The following INPP5K variants were observed in gnomAD, a reference collection of about 807,000 sequenced individuals.
INPP5K encodes the protein inositol polyphosphate 5-phosphatase K.
Under a neutral mutation model 53.5 loss-of-function variants are expected in INPP5K, and 35 were observed. That is an observed-to-expected ratio of 0.65 (90% CI 0.50 to 0.87). The LOEUF (loss-of-function observed/expected upper bound fraction) is 0.87, where lower values mean the gene tolerates loss of function less well. Among genes scored for constraint, INPP5K ranks in the 40% least tolerant of loss-of-function variants. INPP5K has a pLI of 0.00. For missense variants in INPP5K, 550 were observed against 586.2 expected (o/e 0.94, Z 0.64); for synonymous variants, 253 against 232.8 (o/e 1.09, Z -0.79).
chr17:1,509,409 C>G (rs1413988904), intron 4 of INPP5K, 56 bp from the exon 5 acceptor site: 9 of 1,517,400 alleles, frequency 5.9e-6, no homozygotes, highest in Non-Finnish European at 9.1e-7. Flanking sequence ...ACACACCCCT[C>G]TTTCCACATC....
In INPP5K at chr17:1,509,673, C is replaced by A; in HGVS notation, c.378+10G>T. The A allele has an allele frequency of 6.0e-6, 9 of 1,507,480 alleles. No homozygotes were observed. Among genetic ancestry groups the A allele is most frequent in the Non-Finnish European group, 8.3e-6 (9 of 1,082,854 alleles). 93.4% of individuals were successfully genotyped at this position (1,507,480 alleles called of 1,614,324 possible). Reference sequence around the variant, plus strand: ...CCAGCTCACGACTCAGACAATAGCTCAGTCCTTACCCAGTACCCAAACAGG... The same window carrying A: ...CCAGCTCACGACTCAGACAATAGCTAAGTCCTTACCCAGTACCCAAACAGG... On this transcript the variant is annotated intron_variant, in intron 4 of 11. Transcript: ENST00000421807.
chr17:1,495,823 T>A lies in INPP5K; in HGVS notation c.1347A>T (p.Ter449CysextTer46). 6.2e-7 allele frequency: 1 copy of A among 1,611,982 alleles called. No homozygotes were observed. Among genetic ancestry groups the A allele is most frequent in the Non-Finnish European group, 8.5e-7 (1 of 1,178,326 alleles). The change falls in exon 12 of 12, where the codon TGA (stop) becomes TGT (cysteine). Residue 449 changes from the stop codon to cysteine (C), a stop_lost. Transcript: ENST00000421807. ...DPLGEAQPQI[*>C] ...GCCTGGGATTCACTCCCATCCTGGC[T>A]CAGATCTGTGGCTGTGCTTCACCCA...
intron 7 of INPP5K, among the ~76,000 whole-genome samples, chr17:1,502,306 G>A (rs563875921): frequency 2.0e-5 from 3 of 152,102 alleles, no homozygotes; most frequent in Admixed American, 1.3e-4. Flanking sequence ...TGGAGATCGC[G>A]CCACTGCACT....
intron 7 of INPP5K, among the ~76,000 whole-genome samples, chr17:1,503,359 T>A (rs567629869): frequency 1.5e-3 from 224 of 152,042 alleles, no homozygotes; most frequent in African/African-American, 5.2e-3. Context: ...AATTTTTTTT[T>A]ATTTTTAGTA....
rs116410175 is a variant in INPP5K at position 1,497,920 on chromosome 17, C to T, written c.963+16G>A. The T allele has an allele frequency of 6.6e-4, 1,055 of 1,604,864 alleles. 5 individuals carry two copies. In the African/African-American group the frequency reaches 0.013, roughly 20 times the overall value. ...AGCTATTCCTCTGGCAAGTATCAGG[C>T]AGCCCAGAAGTTCACCTCCAAGTCG... On this transcript the variant is annotated intron_variant, in intron 8 of 11. Coordinates refer to ENST00000421807, the MANE Select transcript of INPP5K (RefSeq NM_016532.4).
intron 7 of INPP5K, among the ~76,000 whole-genome samples, chr17:1,500,958 C>CT (rs546504445): frequency 0.025 from 3,356 of 135,268 alleles, 67 homozygotes; most frequent in Non-Finnish European, 0.035. Flanking sequence ...TATTCAACTG[C>CT]TTTTTTTTTT....
At chr17:1,500,901 C>A (rs1374492111) in intron 7 of INPP5K, among the ~76,000 whole-genome samples, 2 of 151,416 alleles carry the variant, frequency 1.3e-5, no homozygotes, top group African/African-American at 4.8e-5. Context: ...TTAATGTTTA[C>A]AGCTCCATAT....
intron 7 of INPP5K, among the ~76,000 whole-genome samples, chr17:1,505,074 G>C (rs1567555793): frequency 6.6e-6 from 1 of 152,242 alleles, no homozygotes; most frequent in Admixed American, 6.5e-5. Context: ...CATAGGGCTG[G>C]GAGAAGGGGA....
intron 3 of INPP5K, among the ~76,000 whole-genome samples, chr17:1,512,751 C>T (rs2075338083): frequency 6.6e-6 from 1 of 152,128 alleles, no homozygotes; most frequent in Non-Finnish European, 1.5e-5. Flanking sequence ...GCCCAAAGTA[C>T]CCACCACACC....
chr17:1,496,341 G>A lies in INPP5K; in HGVS notation c.1163C>T (p.Ser388Phe), dbSNP rs1189525614. 1 of 1,563,134 alleles carries A rather than the reference G, an allele frequency of 6.4e-7. No homozygotes were observed. The highest frequency in any genetic ancestry group is 2.4e-5 in the East Asian group (1 of 42,200). ...SYAWVGDSKV[S>F]CSDNLNQVYI... ...TACCTGGTTCAGGTTGTCGCTGCAG[G>A]AGACCTTGCTGTCCCCGACCCAGGC... Residue 388 changes from serine to phenylalanine, a missense_variant, in exon 10 of 12, where the codon TCC becomes TTC. Ser to Phe is a radical substitution (Grantham distance 155). Transcript: ENST00000421807.
chr17:1,516,188 TCAAA>T (rs908278495), intron 1 of INPP5K: 42 of 1,054,600 alleles, frequency 4.0e-5, no homozygotes, highest in Non-Finnish European at 4.7e-5. Context: ...GTCTTTAACC[TCAAA>T]CAACCCCACA....
At chr17:1,510,700 C>T (rs1235594138) in intron 3 of INPP5K, among the ~76,000 whole-genome samples, 1 of 152,182 alleles carries the variant, frequency 6.6e-6, no homozygotes, top group Admixed American at 6.6e-5. Flanking sequence ...AATCACGGCT[C>T]GCTGCAGCCT....
At chr17:1,496,029 C>T in intron 11 of INPP5K, 31 bp downstream of exon 11, 1 of 1,514,964 alleles carries the variant, frequency 6.6e-7, no homozygotes, top group Non-Finnish European at 9.2e-7. Context: ...CAAGCCCTCA[C>T]CCTTCCCCTT....
At chr17:1,499,917 G>A (rs956553028) in intron 7 of INPP5K, among the ~76,000 whole-genome samples, 5 of 152,302 alleles carry the variant, frequency 3.3e-5, no homozygotes, top group African/African-American at 2.4e-5. Context: ...TCGATCGACA[G>A]GTCTCACTGT....
At position 1,516,580 on chromosome 17, in the gene INPP5K, C is replaced by A; in HGVS notation, c.-81G>T. On this transcript the variant is annotated 5_prime_UTR_variant, in exon 1 of 12. Coordinates refer to ENST00000421807, the MANE Select transcript of INPP5K (RefSeq NM_016532.4). ...GTCCCGGCCAGAGCAGCCCTGCGGG[C>A]GGCCGGTCTCACGCGCCTAGCTGTC... The A allele has an allele frequency of 2.1e-6, 3 of 1,440,318 alleles. No individual in the cohort carries two copies. Among genetic ancestry groups the A allele is most frequent in the Admixed American group, 2.7e-5 (1 of 36,468 alleles). The allele number at this position is 1,440,318 out of a possible 1,614,324, so 89.2% of individuals were successfully genotyped here. A position where few individuals can be genotyped will look rare whatever the true frequency, so the allele number is the denominator to read the frequency against.
At position 1,509,727 on chromosome 17, in the gene INPP5K, T is replaced by A. The variant is rs201642125; in HGVS notation, c.334A>T (p.Ile112Phe). Residue 112 changes from isoleucine (I) to phenylalanine (F), a missense_variant, in exon 4 of 12, where the codon ATT becomes TTT. Coordinates refer to ENST00000421807, the MANE Select transcript of INPP5K (RefSeq NM_016532.4). ...GTGGGGGTGGATTTAGTAGACAGAA[T>A]CTGGATATAGGGCAAATGCTGATAC... is the stretch of plus-strand genomic sequence containing the variant. The part of the protein sequence containing the change: ...AKYQHLPYIQ[I>F]LSTKSTPTGL... 1.2e-6 allele frequency: 2 copies of A among 1,613,626 alleles called. No individual in the cohort carries two copies. The highest frequency in any genetic ancestry group is 3.3e-5 in the Admixed American group (2 of 59,974).
rs34308535 is a variant in INPP5K at position 1,507,099 on chromosome 17, A to T, written c.667-10T>A. 6.2e-7 allele frequency: 1 copy of T among 1,610,618 alleles called. No homozygotes were observed. The highest frequency in any genetic ancestry group is 8.5e-7 in the Non-Finnish European group (1 of 1,177,128). The stretch of plus-strand genomic sequence containing the variant: ...TCTTGGCAATGCTGAGCTGCAGACA[A>T]AGTCATAGTCCCCGTCTCCCAGTAG... On this transcript the variant is annotated splice_polypyrimidine_tract_variant and intron_variant, in intron 6 of 11. Transcript: ENST00000421807.
intron 7 of INPP5K, among the ~76,000 whole-genome samples, chr17:1,502,159 C>T (rs903115787): frequency 4.6e-5 from 7 of 151,940 alleles, no homozygotes; most frequent in Non-Finnish European, 8.8e-5. Flanking sequence ...ACCATCCTGG[C>T]TAACATGGTG....
Position 1,509,181 on chromosome 17 carries a change from T to C in INPP5K, c.551A>G (p.His184Arg). Reference sequence around the variant, plus strand: ...GGTCTGCCAGACCCAGGCTCACTCGTGGTCCAGGATGTTTGGGATGTCTCG... The same window carrying C: ...GGTCTGCCAGACCCAGGCTCACTCGCGGTCCAGGATGTTTGGGATGTCTCG... Reference protein sequence around the residue: ...EGRDIPNILDHDLIIWFGDMN... With the variant: ...EGRDIPNILDRDLIIWFGDMN... The change falls in exon 5 of 12, where the codon CAC (histidine) becomes CGC (arginine). Residue 184 changes from histidine (H) to arginine (R), a missense_variant. Transcript: ENST00000421807. 3 of 1,612,442 alleles carry C rather than the reference T, an allele frequency of 1.9e-6. No individual in the cohort carries two copies. Among genetic ancestry groups the C allele is most frequent in the Non-Finnish European group, 8.5e-7 (1 of 1,179,880 alleles).
Sources: gnomAD v4.1 joint callset for allele counts (sites outside exome capture counted in the v4.1 genomes callset) on GRCh38, gnomAD v4.1.1 for gene constraint, MANE v1.5 for transcripts, NCBI Gene and HGNC (gene_info 2026-07-23, HGNC 2026-07-21) for gene names.